KCNIP4: variants seen among roughly 807,000 people sequenced by gnomAD.
KCNIP4 encodes the protein Kv channel-interacting protein 4.
Under a neutral mutation model 34.0 loss-of-function variants are expected in KCNIP4, and 12 were observed. The ratio of observed to expected loss-of-function variants is 0.35; its 90% CI spans 0.23 to 0.57. The LOEUF (loss-of-function observed/expected upper bound fraction) is 0.57. Among genes scored for constraint, KCNIP4 ranks in the 20% least tolerant of loss-of-function variants. The pLI, the probability that KCNIP4 is intolerant of heterozygous loss-of-function variation, is 0.83. For synonymous variants in KCNIP4, 124 were observed against 102.2 expected (o/e 1.21, Z -1.29); for missense variants, 238 against 311.7 (o/e 0.76, Z 1.78).
chr4:21,366,104 T>C (rs182926344), intron 1 of KCNIP4, among the ~76,000 whole-genome samples: 3 of 152,292 alleles, frequency 2.0e-5, no homozygotes, highest in African/African-American at 7.2e-5. Flanking sequence ...TTCACACATA[T>C]GTTTAAACGT....
intron 1 of KCNIP4, among the ~76,000 whole-genome samples, chr4:21,097,934 T>C (rs1215360423): frequency 6.6e-6 from 1 of 152,156 alleles, no homozygotes; most frequent in Non-Finnish European, 1.5e-5. Context: ...GGTAGCCAAG[T>C]TGTGAATGCA....
At chr4:20,837,848 A>ATTTT (rs34976488) in intron 3 of KCNIP4, among the ~76,000 whole-genome samples, 2,211 of 143,558 alleles carry the variant, frequency 0.015, 56 homozygotes, top group African/African-American at 0.051. Flanking sequence ...TGCCCAGCAA[A>ATTTT]TTTTTTTTTT....
intron 1 of KCNIP4, among the ~76,000 whole-genome samples, chr4:20,963,398 T>A (rs1179969455): frequency 6.6e-6 from 1 of 151,878 alleles, no homozygotes; most frequent in South Asian, 2.1e-4. Flanking sequence ...CAAATGATCA[T>A]CCCTTTTGTG....
intron 1 of KCNIP4, among the ~76,000 whole-genome samples, chr4:21,329,001 G>A (rs1209946979): frequency 1.3e-5 from 2 of 152,206 alleles, no homozygotes; most frequent in East Asian, 3.9e-4. Flanking sequence ...GTTCAGAAAT[G>A]AAAAAACTGC....
intron 1 of KCNIP4, among the ~76,000 whole-genome samples, chr4:21,246,657 G>T (rs1760222820): frequency 6.6e-6 from 1 of 152,076 alleles, no homozygotes; most frequent in South Asian, 2.1e-4. Context: ...GATTGGAAGG[G>T]TTAAACATAG....
chr4:20,827,156 T>G (rs1231437319), intron 3 of KCNIP4, among the ~76,000 whole-genome samples: 1 of 152,190 alleles, frequency 6.6e-6, no homozygotes, highest in Non-Finnish European at 1.5e-5. Flanking sequence ...AGAAGCCAGC[T>G]ACCATGAATA....
chr4:21,199,988 C>A (rs1198521001), intron 1 of KCNIP4, among the ~76,000 whole-genome samples: 2 of 151,656 alleles, frequency 1.3e-5, no homozygotes, highest in Non-Finnish European at 2.9e-5. Context: ...GGGAATTGAA[C>A]AATGAGAACA....
At chr4:21,733,763 T>C (rs558903540) in intron 1 of KCNIP4, among the ~76,000 whole-genome samples, 31 of 152,176 alleles carry the variant, frequency 2.0e-4, no homozygotes, top group African/African-American at 7.0e-4. Flanking sequence ...CCAAGGGATA[T>C]AGCAGTATCT....
chr4:20,937,055 G>C (rs1049524231), intron 1 of KCNIP4, among the ~76,000 whole-genome samples: 1 of 151,922 alleles, frequency 6.6e-6, no homozygotes, highest in Non-Finnish European at 1.5e-5. Flanking sequence ...TGAAAGGAAA[G>C]AAGAGGGGTA....
At chr4:20,773,472 C>T (rs1432271299) in intron 3 of KCNIP4, among the ~76,000 whole-genome samples, 2 of 152,162 alleles carry the variant, frequency 1.3e-5, no homozygotes, top group Non-Finnish European at 2.9e-5. Flanking sequence ...AGGAAACTCC[C>T]GGGCCTGTTG....
intron 1 of KCNIP4, among the ~76,000 whole-genome samples, chr4:21,425,170 C>G (rs1210739114): frequency 6.6e-6 from 1 of 152,082 alleles, no homozygotes; most frequent in African/African-American, 2.4e-5. Context: ...ATATTCTTTT[C>G]TCTATCTTGC....
intron 1 of KCNIP4, among the ~76,000 whole-genome samples, chr4:21,797,640 G>A (rs895047712): frequency 1.3e-5 from 2 of 151,798 alleles, no homozygotes; most frequent in African/African-American, 4.8e-5. Context: ...GTTATATTTG[G>A]GTTGTATTTT....
At chr4:21,617,311 G>A (rs1382366355) in intron 1 of KCNIP4, among the ~76,000 whole-genome samples, 1 of 152,166 alleles carries the variant, frequency 6.6e-6, no homozygotes, top group Non-Finnish European at 1.5e-5. Context: ...CCTCTGCTAT[G>A]AGAATCACAG....
intron 1 of KCNIP4, among the ~76,000 whole-genome samples, chr4:21,000,845 G>GA (rs1738068686): frequency 6.6e-6 from 1 of 152,116 alleles, no homozygotes; most frequent in African/African-American, 2.4e-5. Flanking sequence ...CTATCTCAGG[G>GA]ATATTGCACT....
intron 1 of KCNIP4, among the ~76,000 whole-genome samples, chr4:21,641,778 T>C (rs1403448821): frequency 6.6e-6 from 1 of 152,158 alleles, no homozygotes; most frequent in Non-Finnish European, 1.5e-5. Flanking sequence ...AAAGTGGACA[T>C]TGTAGCAGGG....
chr4:21,516,358 C>T (rs1022768275), intron 1 of KCNIP4, among the ~76,000 whole-genome samples: 6 of 152,146 alleles, frequency 3.9e-5, no homozygotes, highest in Non-Finnish European at 7.3e-5. Flanking sequence ...CAGAAACTGT[C>T]ACATGTGCAT....
At chr4:20,813,292 G>C (rs1715996813) in intron 3 of KCNIP4, among the ~76,000 whole-genome samples, 1 of 151,922 alleles carries the variant, frequency 6.6e-6, no homozygotes, top group Non-Finnish European at 1.5e-5. Flanking sequence ...TCAACAAAGG[G>C]GCAAAAAAGG....
intron 1 of KCNIP4, chr4:21,729,776 C>G (rs528600515): frequency 6.6e-6 from 1 of 152,258 alleles, no homozygotes; most frequent in African/African-American, 2.4e-5. Flanking sequence ...ATTTCACACA[C>G]TAAGTTTTCT....
intron 1 of KCNIP4, among the ~76,000 whole-genome samples, chr4:20,883,531 C>A (rs572950959): frequency 6.6e-6 from 1 of 152,066 alleles, no homozygotes; most frequent in East Asian, 1.9e-4. Context: ...ATCAATTTAC[C>A]CACCCTGAGG....
Sources: allele counts gnomAD v4.1 joint callset (sites outside exome capture counted in the v4.1 genomes callset), GRCh38; gene constraint gnomAD v4.1.1; transcripts MANE v1.5; gene names NCBI Gene and HGNC (gene_info 2026-07-23, HGNC 2026-07-21).